The following ELMOD1 variants were observed in gnomAD, a reference collection of about 807,000 sequenced individuals.
ELMOD1 encodes ELMO domain-containing protein 1.
Under a neutral mutation model 46.7 loss-of-function variants are expected in ELMOD1, and 21 were observed. The ratio of observed to expected loss-of-function variants is 0.45; its 90% CI spans 0.32 to 0.65. ELMOD1 has a LOEUF of 0.65. Ranked by LOEUF, ELMOD1 falls within the 30% of genes least tolerant of loss-of-function variation. The pLI, the probability that ELMOD1 is intolerant of heterozygous loss-of-function variation, is 0.04. For synonymous variants in ELMOD1, 122 were observed against 138.2 expected, an observed-to-expected ratio of 0.88 and a Z score of 0.82; for missense variants, 348 against 407.8, an observed-to-expected ratio of 0.85 and a Z score of 1.26.
chr11:107,662,250 C>T (rs1231481505), intron 11 of ELMOD1, among the ~76,000 whole-genome samples: 1 of 152,156 alleles, frequency 6.6e-6, no homozygotes, highest in African/African-American at 2.4e-5. Flanking sequence ...CTCAAGTGAT[C>T]CTCCTGCCTC....
At chr11:107,599,455 G>C (rs563940506) in intron 1 of ELMOD1, among the ~76,000 whole-genome samples, 9 of 151,958 alleles carry the variant, frequency 5.9e-5, no homozygotes, top group African/African-American at 1.9e-4. Context: ...TTTTAAAGGT[G>C]CTTCTGCCAG....
chr11:107,664,736 G>A (rs972121426), intron 11 of ELMOD1, among the ~76,000 whole-genome samples: 6 of 140,364 alleles, frequency 4.3e-5, no homozygotes, highest in African/African-American at 1.6e-4. Context: ...AAATGTTCCC[G>A]ATGCGATTCA....
chr11:107,606,361 T>C (rs896985468), intron 1 of ELMOD1, among the ~76,000 whole-genome samples: 1 of 152,228 alleles, frequency 6.6e-6, no homozygotes, highest in Non-Finnish European at 1.5e-5. Flanking sequence ...TACCATCTAC[T>C]CATCTACAAA....
chr11:107,631,403 C>CCA (rs543241750), intron 4 of ELMOD1, among the ~76,000 whole-genome samples, 177 bp from the exon 5 acceptor site: 2 of 146,876 alleles, frequency 1.4e-5, no homozygotes, highest in African/African-American at 2.5e-5. Flanking sequence ...CACTACCCCC[C>CCA]CCCCCATCGT....
intron 1 of ELMOD1, among the ~76,000 whole-genome samples, chr11:107,599,755 A>AAAAAAAAAAAAAAAG (rs1555058610): frequency 2.2e-4 from 31 of 138,798 alleles, no homozygotes; most frequent in African/African-American, 7.9e-4. Context: ...AAAAAAAGAA[A>AAAAAAAAAAAAAAAG]AAAAGAAAAG....
In ELMOD1 at chr11:107,612,040, T is replaced by C. The variant is rs183181295; in HGVS notation, c.-85-6065T>C. 3.4e-4 allele frequency among the ~76,000 whole-genome samples: 51 copies of C among 152,148 alleles called. 1 individual carries two copies. The East Asian group carries it at 7.2e-3, about 21-fold the overall frequency. On this transcript the variant is annotated intron_variant, in intron 1 of 11. Transcript: ENST00000265840. ...GGGTATATATCCAAAAGAAAATAAA[T>C]CATTCGACAAAAAGACAAATGCATA...
intron 1 of ELMOD1, among the ~76,000 whole-genome samples, chr11:107,615,985 CTTTTTT>C (rs57135460): frequency 2.7e-5 from 2 of 74,046 alleles, no homozygotes; most frequent in Non-Finnish European, 4.8e-5. Flanking sequence ...CAGGTTTTTC[CTTTTTT>C]TTTTTTTTTT....
chr11:107,630,587 C>T (rs1305658504), intron 3 of ELMOD1, 25 bp downstream of exon 3: 2 of 1,607,390 alleles, frequency 1.2e-6, no homozygotes, highest in Non-Finnish European at 1.7e-6. Flanking sequence ...AAGAAGTAAG[C>T]AAAAGGTAGA....
chr11:107,616,396 T>C (rs1041928970), intron 1 of ELMOD1, among the ~76,000 whole-genome samples: 1 of 151,988 alleles, frequency 6.6e-6, no homozygotes, highest in Non-Finnish European at 1.5e-5. Context: ...TGGTTTGTTT[T>C]TGAGACAGAG....
Position 107,666,009 on chromosome 11 carries a change from AT to A in ELMOD1, c.*813del, listed in dbSNP as rs1162874385. 5 of 147,358 alleles carry A rather than the reference AT, an allele frequency of 3.4e-5. No homozygotes were observed. Among genetic ancestry groups the A allele is most frequent in the African/African-American group, 1.0e-4 (4 of 40,024 alleles). The allele number at this position is 147,358 out of a possible 1,614,324, so 9.1% of individuals were successfully genotyped here. ...AATAAATAAATAAATAAATAAATAA[AT>A]AAATAAAATAGTACAGACAGACACA... On this transcript the variant is annotated 3_prime_UTR_variant, in exon 12 of 12. Transcript: ENST00000265840.
chr11:107,607,952 G>A (rs1249676950), intron 1 of ELMOD1, among the ~76,000 whole-genome samples: 3 of 149,296 alleles, frequency 2.0e-5, no homozygotes, highest in East Asian at 3.9e-4. Context: ...TGAACTCCCG[G>A]CTCCCCCACA....
rs1470423227 is a variant in ELMOD1 at position 107,654,219 on chromosome 11, T to G, written c.695T>G (p.Ile232Ser). ...EWEKKRMDKA[I>S]GYSFAIVGIN... is the part of the protein sequence containing the mutation. ...GAGAAGAAAAGGATGGATAAGGCAA[T>G]TGGGTGAGTATGGGATCTCACATGG... The change falls in exon 10 of 12, where the codon ATT (isoleucine) becomes AGT (serine). Residue 232 changes from isoleucine (I) to serine (S), a missense_variant. Transcript: ENST00000265840. 2 of 1,590,822 alleles carry G rather than the reference T, an allele frequency of 1.3e-6. No homozygotes were observed. Among genetic ancestry groups the G allele is most frequent in the African/African-American group, 1.3e-5 (1 of 74,526 alleles).
At chr11:107,604,268 C>T (rs927422902) in intron 1 of ELMOD1, among the ~76,000 whole-genome samples, 4 of 152,164 alleles carry the variant, frequency 2.6e-5, no homozygotes, top group Non-Finnish European at 4.4e-5. Flanking sequence ...GGCTCAGAGA[C>T]TGTGGAGTAA....
At chr11:107,655,431 C>G (rs1466605662) in intron 10 of ELMOD1, among the ~76,000 whole-genome samples, 1 of 151,982 alleles carries the variant, frequency 6.6e-6, no homozygotes, top group Non-Finnish European at 1.5e-5. Flanking sequence ...ATATGAACTA[C>G]CAATTCTCGT....
intron 10 of ELMOD1, 51 bp from the exon 11 acceptor site, chr11:107,655,882 C>T (rs1866621195): frequency 3.8e-6 from 6 of 1,566,094 alleles, no homozygotes; most frequent in Non-Finnish European, 5.2e-6. Context: ...ATGGGAAATA[C>T]TTATTTCTTC....
At chr11:107,611,012 A>AAG (rs1251299405) in intron 1 of ELMOD1, among the ~76,000 whole-genome samples, 3 of 151,098 alleles carry the variant, frequency 2.0e-5, no homozygotes, top group East Asian at 3.9e-4. Flanking sequence ...AAAAAAAAAA[A>AAG]AAAAAGAAAA....
chr11:107,651,041 A>C lies in ELMOD1; in HGVS notation c.647+133A>C, dbSNP rs1866517060. The C allele has an allele frequency of 6.2e-6, 3 of 483,054 alleles. 1 individual carries two copies. The highest frequency in any genetic ancestry group is 5.1e-5 in the Admixed American group (1 of 19,628). The allele number at this position is 483,054 out of a possible 1,614,324, so 29.9% of individuals were successfully genotyped here. ...CATTTTCAAACCTTTAATCTAATAT[A>C]GTTAATTATAGCTGGGCTATGTTTT... On this transcript the variant is annotated intron_variant, in intron 9 of 11. Transcript: ENST00000265840.
chr11:107,662,645 C>T (rs974900116), intron 11 of ELMOD1, among the ~76,000 whole-genome samples: 3 of 148,912 alleles, frequency 2.0e-5, no homozygotes, highest in African/African-American at 7.5e-5. Flanking sequence ...TTTTTGTAAG[C>T]CAGGCGTGGT....
chr11:107,659,899 A>G (rs902340693), intron 11 of ELMOD1, among the ~76,000 whole-genome samples: 13 of 152,268 alleles, frequency 8.5e-5, no homozygotes, highest in Non-Finnish European at 1.3e-4. Context: ...CCATCTCTAC[A>G]AAAGAAAAAA....
Sources: allele counts gnomAD v4.1 joint callset (sites outside exome capture counted in the v4.1 genomes callset), GRCh38; gene constraint gnomAD v4.1.1; transcripts MANE v1.5; gene names NCBI Gene and HGNC (gene_info 2026-07-23, HGNC 2026-07-21).